The following IL12B variants were observed in gnomAD, a reference collection of about 807,000 sequenced individuals.
IL12B encodes the protein interleukin 12B.
Under a neutral mutation model 39.2 loss-of-function variants are expected in IL12B, and 27 were observed. The ratio of observed to expected loss-of-function variants is 0.69; its 90% CI spans 0.51 to 0.95. The LOEUF (loss-of-function observed/expected upper bound fraction) is 0.95, where lower values mean the gene tolerates loss of function less well. Ranked by LOEUF, IL12B falls within the 40% of genes least tolerant of loss-of-function variation. The pLI, the probability that IL12B is intolerant of heterozygous loss-of-function variation, is 0.00. For synonymous variants in IL12B, 142 were observed against 152.1 expected (o/e 0.93, Z 0.49); for missense variants, 351 against 397.6 (o/e 0.88, Z 1.00).
chr5:159,315,420 T>G lies in IL12B; in HGVS notation c.*681A>C, dbSNP rs1179025891. On this transcript the variant is annotated 3_prime_UTR_variant, in exon 8 of 8. Transcript: ENST00000231228. ...TGTTTCCCAGGCTGGTCAATCATTTTTTTCTAGCCCTTTTAAAATTCAGGC... is the reference window on the plus strand; with the variant it reads ...TGTTTCCCAGGCTGGTCAATCATTTGTTTCTAGCCCTTTTAAAATTCAGGC... 1 of 152,230 alleles carries G rather than the reference T, an allele frequency of 6.6e-6. No homozygotes were observed. The highest frequency in any genetic ancestry group is 1.9e-4 in the East Asian group (1 of 5,316). 9.4% of individuals were successfully genotyped at this position (152,230 alleles called of 1,614,324 possible). A position where few individuals can be genotyped will look rare whatever the true frequency, so the allele number is the denominator to read the frequency against.
At chr5:159,330,239 T>C (rs995779176) in intron 1 of IL12B, among the ~76,000 whole-genome samples, 193 bp downstream of exon 1, 4 of 152,230 alleles carry the variant, frequency 2.6e-5, no homozygotes, top group African/African-American at 9.6e-5. Flanking sequence ...GCTTTTAAAA[T>C]GGACACTGTA....
intron 1 of IL12B, among the ~76,000 whole-genome samples, chr5:159,328,450 T>A (rs890242357): frequency 5.9e-5 from 9 of 152,226 alleles, no homozygotes; most frequent in African/African-American, 2.2e-4. Context: ...AAAATGGACC[T>A]AATACTTATC....
At chr5:159,328,081 G>A (rs1325036635) in intron 1 of IL12B, among the ~76,000 whole-genome samples, 6 of 152,178 alleles carry the variant, frequency 3.9e-5, no homozygotes, top group African/African-American at 1.2e-4. Context: ...GTTGGGTGAC[G>A]GAATATTGAC....
At position 159,326,550 on chromosome 5, in the gene IL12B, G is replaced by A. The variant is rs573860895; in HGVS notation, c.88+145C>T. On this transcript the variant is annotated intron_variant, in intron 2 of 7. Transcript: ENST00000231228. ...CCATCAAAGTAGAAAAGAGAGATAT[G>A]GCATTGCATTTTCCCAGAGTGATGG... 4.3e-4 allele frequency: 282 copies of A among 649,582 alleles called. 5 individuals carry two copies. In the South Asian group the frequency reaches 5.2e-3, roughly 12 times the overall value. 40.2% of individuals were successfully genotyped at this position (649,582 alleles called of 1,614,324 possible). A position where few individuals can be genotyped will look rare whatever the true frequency, so the allele number is the denominator to read the frequency against.
chr5:159,323,403 G>C (rs949117901), intron 2 of IL12B, 74 bp from the exon 3 acceptor site: 5 of 1,431,036 alleles, frequency 3.5e-6, no homozygotes, highest in Middle Eastern at 4.0e-4. Flanking sequence ...TTAACCCTTC[G>C]GGCATCCCCA....
At chr5:159,320,241 G>A in intron 5 of IL12B, 65 bp downstream of exon 5, 2 of 1,358,648 alleles carry the variant, frequency 1.5e-6, no homozygotes, top group Non-Finnish European at 2.1e-6. Context: ...AGTGCATGGG[G>A]CATTGTGAAC....
chr5:159,328,228 C>T (rs540714710), intron 1 of IL12B, among the ~76,000 whole-genome samples: 1 of 152,182 alleles, frequency 6.6e-6, no homozygotes, highest in Admixed American at 6.5e-5. Flanking sequence ...GCTGTCACCA[C>T]AGCATGGAGT....
At position 159,323,201 on chromosome 5, in the gene IL12B, T is replaced by G. The variant is rs1281723065; in HGVS notation, c.217A>C (p.Lys73Gln). 3 of 1,614,150 alleles carry G rather than the reference T, an allele frequency of 1.9e-6. No homozygotes were observed. The African/African-American group carries it at 4.0e-5, about 22-fold the overall frequency. The change falls in exon 3 of 8, where the codon AAA becomes CAA. Residue 73 changes from lysine to glutamine, a missense_variant. Lys to Gln is a moderately conservative substitution (Grantham distance 53). Coordinates refer to ENST00000231228, the MANE Select transcript of IL12B (RefSeq NM_002187.3). ...TCTTTGACTTGGATGGTCAGGGTTT[T>G]GCCAGAGCCTAAGACCTCACTGCTC... ...DQSSEVLGSG[K>Q]TLTIQVKEFG...
At chr5:159,324,260 C>T (rs1011196175) in intron 2 of IL12B, among the ~76,000 whole-genome samples, 3 of 152,296 alleles carry the variant, frequency 2.0e-5, no homozygotes, top group South Asian at 2.1e-4. Flanking sequence ...CCTTTTGTCT[C>T]TTGGGCTTTG....
At chr5:159,321,292 A>C (rs963560287) in intron 4 of IL12B, among the ~76,000 whole-genome samples, 4 of 151,686 alleles carry the variant, frequency 2.6e-5, no homozygotes, top group African/African-American at 9.7e-5. Flanking sequence ...GGTGTGAGCC[A>C]CTGTGCCTGG....
Position 159,323,111 on chromosome 5 carries a change from GC to G in IL12B, c.306del (p.Leu103CysfsTer15). The stretch of plus-strand genomic sequence containing the variant: ...ATTCCATCTTCCTTTTTGTGAAGCA[GC>G]AGGAGCGAATGGCTTAGAACCTCGC... ...KGGEVLSHSL[L>X]LLHKKEDGIW... On this transcript the variant is annotated frameshift_variant, in exon 3 of 8. Coordinates refer to ENST00000231228, the MANE Select transcript of IL12B (RefSeq NM_002187.3). LOFTEE classifies it high-confidence loss of function. 1 of 1,614,096 alleles carries G rather than the reference GC, an allele frequency of 6.2e-7. No homozygotes were observed. Among genetic ancestry groups the G allele is most frequent in the Non-Finnish European group, 8.5e-7 (1 of 1,179,988 alleles).
In IL12B at chr5:159,316,846, C is replaced by G. The variant is rs1482301557; in HGVS notation, c.856-30G>C. ...AAAAGAGAAGGAAAGCTGTGAAGAC[C>G]CCTTGGCAACATAGTCACAGGGTAA... On this transcript the variant is annotated intron_variant, in intron 6 of 7. Transcript: ENST00000231228. The G allele has an allele frequency of 2.5e-6, 4 of 1,613,256 alleles. No homozygotes were observed. In the Admixed American group the frequency reaches 6.7e-5, roughly 27 times the overall value.
chr5:159,320,450 T>C lies in IL12B; in HGVS notation c.553A>G (p.Lys185Glu). Reference protein sequence around the residue: ...LSAERVRGDNKEYEYSVECQE... With the variant: ...LSAERVRGDNEEYEYSVECQE... Reference sequence around the variant, plus strand: ...CACTCCACTGAGTACTCATACTCCTTGTTGTCCCCTCTGACTCTCTCTGCA... The same window carrying C: ...CACTCCACTGAGTACTCATACTCCTCGTTGTCCCCTCTGACTCTCTCTGCA... Residue 185 changes from lysine to glutamate, a missense_variant, in exon 5 of 8, where the codon AAG (lysine) becomes GAG (glutamate). By Grantham distance (56) the Lys-to-Glu change is moderately conservative (BLOSUM62 1). Coordinates refer to ENST00000231228, the MANE Select transcript of IL12B (RefSeq NM_002187.3). 4.3e-6 allele frequency: 7 copies of C among 1,614,154 alleles called. No homozygotes were observed. In the South Asian group the frequency reaches 4.4e-5, roughly 10 times the overall value.
chr5:159,323,272 G>T lies in IL12B; in HGVS notation c.146C>A (p.Thr49Asn). 1 of 1,614,054 alleles carries T rather than the reference G, an allele frequency of 6.2e-7. No homozygotes were observed. The highest frequency in any genetic ancestry group is 8.5e-7 in the Non-Finnish European group (1 of 1,179,944). The change falls in exon 3 of 8, where the codon ACC (threonine) becomes AAC (asparagine). Residue 49 changes from threonine to asparagine, a missense_variant. Coordinates refer to ENST00000231228, the MANE Select transcript of IL12B (RefSeq NM_002187.3). ...PDAPGEMVVLTCDTPEEDGIT... is the reference protein window; with the variant it reads ...PDAPGEMVVLNCDTPEEDGIT... ...ACCATCTTCTTCAGGGGTGTCACAGGTGAGGACCACCATTTCTCCAGGGGC... is the reference window on the plus strand; with the variant it reads ...ACCATCTTCTTCAGGGGTGTCACAGTTGAGGACCACCATTTCTCCAGGGGC...
intron 1 of IL12B, among the ~76,000 whole-genome samples, chr5:159,330,175 A>G (rs1448481147): frequency 6.6e-6 from 1 of 152,202 alleles, no homozygotes; most frequent in East Asian, 1.9e-4. Context: ...TAAAACAAAC[A>G]TTTCCACAAA....
intron 1 of IL12B, among the ~76,000 whole-genome samples, chr5:159,327,972 T>C (rs1473539309): frequency 6.6e-6 from 1 of 152,146 alleles, no homozygotes; most frequent in Admixed American, 6.6e-5. Flanking sequence ...AGAGCACCCA[T>C]GGTCTGGAGG....
chr5:159,323,466 A>G (rs1219660691), intron 2 of IL12B, 137 bp from the exon 3 acceptor site: 2 of 831,042 alleles, frequency 2.4e-6, no homozygotes, highest in Non-Finnish European at 4.0e-6. Context: ...GCTTGCTGAG[A>G]TGATCTCAAG....
intron 6 of IL12B, among the ~76,000 whole-genome samples, chr5:159,318,351 A>G (rs1405975499): frequency 6.6e-6 from 1 of 152,258 alleles, no homozygotes; most frequent in African/African-American, 2.4e-5. Context: ...CAGTCAAAGA[A>G]GGATCACATA....
At chr5:159,326,596 G>T in intron 2 of IL12B, 99 bp downstream of exon 2, 1 of 811,386 alleles carries the variant, frequency 1.2e-6, no homozygotes, top group Non-Finnish European at 2.2e-6. Flanking sequence ...AGGACCCAGT[G>T]CATGGTTGCC....
Sources: allele counts gnomAD v4.1 joint callset (sites outside exome capture counted in the v4.1 genomes callset), GRCh38; gene constraint gnomAD v4.1.1; transcripts MANE v1.5; gene names NCBI Gene and HGNC (gene_info 2026-07-23, HGNC 2026-07-21).